The following NCOA1 variants were observed in gnomAD, a reference collection of about 807,000 sequenced individuals.
NCOA1 encodes the protein Hin-2 protein.
Under a neutral mutation model 150.9 loss-of-function variants are expected in NCOA1, and 35 were observed. The ratio of observed to expected loss-of-function variants is 0.23; its 90% CI spans 0.18 to 0.31. The LOEUF (loss-of-function observed/expected upper bound fraction) is 0.31, where lower values mean the gene tolerates loss of function less well. Among genes scored for constraint, NCOA1 ranks in the 10% least tolerant of loss-of-function variants. The pLI is 1.00. For synonymous variants in NCOA1, 590 were observed against 630.0 expected, an observed-to-expected ratio of 0.94 and a Z score of 0.95; for missense variants, 1,491 against 1,749.3, an observed-to-expected ratio of 0.85 and a Z score of 2.63.
chr2:24,507,710 G>A (rs2148096033), intron 1 of NCOA1, among the ~76,000 whole-genome samples: 1 of 152,052 alleles, frequency 6.6e-6, no homozygotes, highest in South Asian at 2.1e-4. Flanking sequence ...TGGTTCACTT[G>A]TATTACGTGG....
At position 24,768,534 on chromosome 2, in the gene NCOA1, A is replaced by AT. The variant is rs1277674439; in HGVS notation, c.*143_*144insT. 1.6e-6 allele frequency: 1 copy of AT among 641,310 alleles called. No individual in the cohort carries two copies. Among genetic ancestry groups the AT allele is most frequent in the Non-Finnish European group, 2.2e-6 (1 of 445,322 alleles). 39.7% of individuals were successfully genotyped at this position (641,310 alleles called of 1,614,324 possible). On this transcript the variant is annotated 3_prime_UTR_variant, in exon 23 of 23. Coordinates refer to ENST00000348332, the MANE Select transcript of NCOA1 (RefSeq NM_003743.5). ...TTTGGAGCAAAAAAAAAAAAAAAAA[A>AT]AAAAAAAGGAGTTTGCTTTTGTCGG...
chr2:24,754,389 A>G (rs1334227787), intron 20 of NCOA1, among the ~76,000 whole-genome samples: 1 of 152,002 alleles, frequency 6.6e-6, no homozygotes, highest in Non-Finnish European at 1.5e-5. Context: ...TGTTATTCTC[A>G]CCGCTCACTC....
chr2:24,731,599 A>G (rs1264651439), intron 17 of NCOA1, among the ~76,000 whole-genome samples: 1 of 152,178 alleles, frequency 6.6e-6, no homozygotes, highest in Non-Finnish European at 1.5e-5. Context: ...TAAATGATAG[A>G]ATAACAATAA....
intron 1 of NCOA1, among the ~76,000 whole-genome samples, chr2:24,525,216 C>T (rs1016538942): frequency 7.2e-5 from 11 of 152,196 alleles, no homozygotes; most frequent in Admixed American, 7.2e-4. Flanking sequence ...TGACCTCTCA[C>T]TTACTTGCTC....
At chr2:24,718,914 A>G (rs1206008709) in intron 14 of NCOA1, among the ~76,000 whole-genome samples, 1 of 149,288 alleles carries the variant, frequency 6.7e-6, no homozygotes, top group African/African-American at 2.5e-5. Flanking sequence ...CTGTAATCAC[A>G]GCTTCTAGGG....
At chr2:24,618,634 A>C (rs1206028000) in intron 3 of NCOA1, among the ~76,000 whole-genome samples, 1 of 152,196 alleles carries the variant, frequency 6.6e-6, no homozygotes, top group African/African-American at 2.4e-5. Flanking sequence ...ATTTGAACTC[A>C]GGCCTTCACA....
intron 1 of NCOA1, among the ~76,000 whole-genome samples, chr2:24,552,357 T>A (rs867440202): frequency 7.1e-3 from 256 of 36,246 alleles, no homozygotes; most frequent in Middle Eastern, 0.026. Context: ...ATATATATTT[T>A]TTTTTTTTTT....
intron 22 of NCOA1, among the ~76,000 whole-genome samples, chr2:24,767,500 G>T (rs528899882): frequency 3.2e-4 from 48 of 152,312 alleles, no homozygotes; most frequent in African/African-American, 1.1e-3. Flanking sequence ...CATTTTTAAG[G>T]AATAAGTGTA....
At chr2:24,608,516 C>T (rs1400931936) in intron 3 of NCOA1, among the ~76,000 whole-genome samples, 1 of 151,424 alleles carries the variant, frequency 6.6e-6, no homozygotes, top group Non-Finnish European at 1.5e-5. Flanking sequence ...ATCTGTCCAC[C>T]TCGTCCTCCC....
intron 8 of NCOA1, among the ~76,000 whole-genome samples, chr2:24,683,706 T>A (rs1330983362): frequency 6.6e-6 from 1 of 152,102 alleles, no homozygotes; most frequent in Non-Finnish European, 1.5e-5. Flanking sequence ...TGTAAAGGCA[T>A]GGATGGACTA....
chr2:24,765,640 G>A (rs951534532), intron 22 of NCOA1, among the ~76,000 whole-genome samples: 1 of 152,102 alleles, frequency 6.6e-6, no homozygotes, highest in Non-Finnish European at 1.5e-5. Flanking sequence ...CCAGAGCCCT[G>A]CCCTGAAACA....
chr2:24,753,904 C>T (rs1664370037), intron 20 of NCOA1, among the ~76,000 whole-genome samples: 1 of 152,336 alleles, frequency 6.6e-6, no homozygotes, highest in South Asian at 2.1e-4. Context: ...AATATCTCCA[C>T]TTATAAGTCT....
chr2:24,632,326 T>C (rs970547510), intron 3 of NCOA1, among the ~76,000 whole-genome samples: 1 of 152,184 alleles, frequency 6.6e-6, no homozygotes, highest in Non-Finnish European at 1.5e-5. Flanking sequence ...AGTATGTAAC[T>C]CTGGAAGTTA....
chr2:24,625,364 C>T (rs1475635601), intron 3 of NCOA1, among the ~76,000 whole-genome samples: 1 of 82,180 alleles, frequency 1.2e-5, no homozygotes, highest in Non-Finnish European at 2.5e-5. Context: ...GACTCTGCCT[C>T]AAAAAAAAAA....
chr2:24,492,425 CTTT>C (rs1205428858), intron 1 of NCOA1, among the ~76,000 whole-genome samples: 25 of 152,218 alleles, frequency 1.6e-4, no homozygotes, highest in African/African-American at 6.0e-4. Flanking sequence ...GTGGTGGCTG[CTTT>C]TTTATTTTAT....
At chr2:24,664,641 G>A (rs771408093) in intron 5 of NCOA1, among the ~76,000 whole-genome samples, 1 of 152,084 alleles carries the variant, frequency 6.6e-6, no homozygotes, top group Non-Finnish European at 1.5e-5. Context: ...CCGGGAGGCA[G>A]AGGTTGCAGT....
At chr2:24,601,923 A>G (rs1668140768) in intron 3 of NCOA1, among the ~76,000 whole-genome samples, 1 of 152,204 alleles carries the variant, frequency 6.6e-6, no homozygotes, top group South Asian at 2.1e-4. Flanking sequence ...GGCGTGAACC[A>G]CTGCGCCCAG....
intron 17 of NCOA1, among the ~76,000 whole-genome samples, chr2:24,737,520 T>C (rs1663374860): frequency 6.6e-6 from 1 of 152,192 alleles, no homozygotes; most frequent in East Asian, 1.9e-4. Context: ...TATATAAAGC[T>C]ATATGTTTGG....
chr2:24,683,751 G>A lies in NCOA1; in HGVS notation c.532+623G>A, dbSNP rs1414010664. On this transcript the variant is annotated intron_variant, in intron 8 of 22. Coordinates refer to ENST00000348332, the MANE Select transcript of NCOA1 (RefSeq NM_003743.5). Reference sequence around the variant, plus strand: ...CTTTGTTTACTTCTTGAATTTTCAGGCTCCTCTAAAGTTTTTCAGTGCTCA... The same window carrying A: ...CTTTGTTTACTTCTTGAATTTTCAGACTCCTCTAAAGTTTTTCAGTGCTCA... Among the ~76,000 whole-genome samples the A allele has an allele frequency of 5.3e-5, 8 of 152,090 alleles. 1 individual carries two copies. Among genetic ancestry groups the A allele is most frequent in the Admixed American group, 4.6e-4 (7 of 15,264 alleles).
Sources: allele counts gnomAD v4.1 joint callset (sites outside exome capture counted in the v4.1 genomes callset), GRCh38; gene constraint gnomAD v4.1.1; transcripts MANE v1.5; gene names NCBI Gene and HGNC (gene_info 2026-07-23, HGNC 2026-07-21).